The following ZNF750 variants were observed in gnomAD, a reference collection of about 807,000 sequenced individuals.
ZNF750 encodes the protein protein ZNF750.
A neutral mutation model predicts 31.6 loss-of-function variants in ZNF750; 10 were observed. The observed-to-expected ratio is 0.32, with a 90% CI of 0.19 to 0.54. The LOEUF is 0.54. Among genes scored for constraint, ZNF750 ranks in the 20% least tolerant of loss-of-function variants. ZNF750 has a pLI of 0.95. For missense variants in ZNF750, 914 were observed against 934.9 expected (o/e 0.98, Z 0.29); for synonymous variants, 400 against 404.9 (o/e 0.99, Z 0.15).
intron 1 of ZNF750, among the ~76,000 whole-genome samples, chr17:82,838,322 G>C (rs1031289411): frequency 7.1e-6 from 1 of 140,162 alleles, no homozygotes; most frequent in Non-Finnish European, 1.6e-5. Context: ...AAATAGACAA[G>C]AGAAAGAGTT....
chr17:82,831,482 C>T lies in ZNF750; in HGVS notation c.973G>A (p.Glu325Lys), dbSNP rs2053505833. 1.2e-6 allele frequency: 2 copies of T among 1,614,040 alleles called. No individual in the cohort carries two copies. The highest frequency in any genetic ancestry group is 1.7e-6 in the Non-Finnish European group (2 of 1,180,052). Residue 325 changes from glutamate to lysine, a missense_variant, in exon 2 of 3, where the codon GAG (glutamate) becomes AAG (lysine). This residue lies in a region of ZNF750 where 880 missense variants were observed against 868.9 expected (regional missense o/e 1.01). Coordinates refer to ENST00000269394, the MANE Select transcript of ZNF750 (RefSeq NM_024702.3). The surrounding 1 kb of genome is among the most constrained non-coding windows in gnomAD (Gnocchi z 4.6). ...LPIPYGFYRPESAFSSYGLRL... is the reference protein window; with the variant it reads ...LPIPYGFYRPKSAFSSYGLRL... ...AGACCATAGGAGGAAAATGCAGACT[C>T]TGGCCTGTAAAATCCGTAAGGAATC... is the stretch of plus-strand genomic sequence containing the variant.
In ZNF750 at chr17:82,832,514, G is replaced by A. The variant is rs528968086; in HGVS notation, c.-60C>T. On this transcript the variant is annotated 5_prime_UTR_variant, in exon 2 of 3. The change creates a new upstream start codon in the 5' untranslated region. Transcript: ENST00000269394. The surrounding 1 kb of genome is among the most constrained non-coding windows in gnomAD (Gnocchi z 4.9). The stretch of plus-strand genomic sequence containing the variant: ...GTGGCGTGATCACTGTCGACGCCGC[G>A]TGCACTTCGTGGTTTCTAAAGAGGC... 2.0e-4 allele frequency: 297 copies of A among 1,461,326 alleles called. 5 individuals carry two copies. In the South Asian group the frequency reaches 3.1e-3, roughly 15 times the overall value. The allele number at this position is 1,461,326 out of a possible 1,614,324, so 90.5% of individuals were successfully genotyped here.
intron 1 of ZNF750, among the ~76,000 whole-genome samples, chr17:82,836,242 C>G (rs942970942): frequency 1.2e-4 from 18 of 152,258 alleles, no homozygotes; most frequent in Admixed American, 7.2e-4. Context: ...GGCCAGCCAG[C>G]TCAGTCAGTG....
Position 82,833,929 on chromosome 17 carries a change from A to C in ZNF750, c.-182-1293T>G, listed in dbSNP as rs574229003. On this transcript the variant is annotated intron_variant, in intron 1 of 2. Transcript: ENST00000269394. The surrounding 1 kb of genome is among the most constrained non-coding windows in gnomAD (Gnocchi z 4.7). ...CCTTCAGAGGCTGTGCCGCACGCCC[A>C]AGGCTGAGAACAAAGGCTGTTTTTC... Among the ~76,000 whole-genome samples the C allele has an allele frequency of 5.3e-4, 80 of 151,130 alleles. No individual in the cohort carries two copies. Among genetic ancestry groups the C allele is most frequent in the African/African-American group, 1.8e-3 (75 of 41,294 alleles).
At chr17:82,838,978 C>T (rs2054224924) in intron 1 of ZNF750, 1 of 985,146 alleles carries the variant, frequency 1.0e-6, no homozygotes, top group African/African-American at 1.7e-5. Context: ...TTGTTCTCCT[C>T]CAAATCAAGT....
Position 82,833,884 on chromosome 17 carries a change from C to A in ZNF750, c.-182-1248G>T, listed in dbSNP as rs1025036574. On this transcript the variant is annotated intron_variant, in intron 1 of 2. Transcript: ENST00000269394. This position sits in a 1 kb window ranked among gnomAD's most constrained non-coding sequence, Gnocchi z 4.7. Reference sequence around the variant, plus strand: ...ATTCTTCCAGAGGGTCTCTGTGTCCCCCTTACCAGCCTCAGGTTTCCTTCA... The same window carrying A: ...ATTCTTCCAGAGGGTCTCTGTGTCCACCTTACCAGCCTCAGGTTTCCTTCA... Among the ~76,000 whole-genome samples the A allele has an allele frequency of 6.6e-6, 1 of 152,114 alleles. No homozygotes were observed. The highest frequency in any genetic ancestry group is 1.5e-5 in the Non-Finnish European group (1 of 68,036).
At chr17:82,834,783 T>C (rs575451190) in intron 1 of ZNF750, among the ~76,000 whole-genome samples, 1 of 152,228 alleles carries the variant, frequency 6.6e-6, no homozygotes. Context: ...GCTTAAAACC[T>C]AGATGATCGG....
chr17:82,830,446 G>A lies in ZNF750; in HGVS notation c.1868C>T (p.Ala623Val), dbSNP rs777328077. The change falls in exon 3 of 3, where the codon GCG (alanine) becomes GTG (valine). Residue 623 changes from alanine to valine, a missense_variant. Coordinates refer to ENST00000269394, the MANE Select transcript of ZNF750 (RefSeq NM_024702.3). Reference sequence around the variant, plus strand: ...CTTCTGCTCCTCGCTGCTGTCCACCGCGCATGCGTCTGGAGCCTCCTCGCC... The same window carrying A: ...CTTCTGCTCCTCGCTGCTGTCCACCACGCATGCGTCTGGAGCCTCCTCGCC... ...GPGEEAPDAC[A>V]VDSSEEQKQT... 11 of 1,612,002 alleles carry A rather than the reference G, an allele frequency of 6.8e-6. No individual in the cohort carries two copies. The highest frequency in any genetic ancestry group is 1.3e-5 in the African/African-American group (1 of 74,944).
chr17:82,830,861 C>G lies in ZNF750; in HGVS notation c.1453G>C (p.Gly485Arg), dbSNP rs762115687. The change falls in exon 3 of 3, where the codon GGA becomes CGA. Residue 485 changes from glycine to arginine, a missense_variant. Gly to Arg is a moderately radical substitution (Grantham distance 125). This residue lies in a region of ZNF750 where 880 missense variants were observed against 868.9 expected (regional missense o/e 1.01). Transcript: ENST00000269394. ...CTTCCGGTCGGAGCAGGAGGGTCTC[C>G]GTTCACAACATTGAGGCTAGAAGAA... ...ESPVSLNVVN[G>R]DPPAPTGSAS... 1.9e-6 allele frequency: 3 copies of G among 1,612,744 alleles called. No individual in the cohort carries two copies. The highest frequency in any genetic ancestry group is 1.3e-5 in the African/African-American group (1 of 74,982).
At chr17:82,836,609 A>G (rs975564249) in intron 1 of ZNF750, among the ~76,000 whole-genome samples, 2 of 151,912 alleles carry the variant, frequency 1.3e-5, no homozygotes, top group African/African-American at 4.8e-5. Context: ...AGAGGAGCAA[A>G]TGATTCCCTC....
intron 1 of ZNF750, among the ~76,000 whole-genome samples, chr17:82,834,694 A>G (rs1030269814): frequency 6.6e-4 from 100 of 151,326 alleles, no homozygotes; most frequent in African/African-American, 2.4e-3. Context: ...AGGGAGGGGA[A>G]CATCACACAC....
intron 1 of ZNF750, chr17:82,838,886 G>T (rs757929558): frequency 2.4e-5 from 24 of 985,246 alleles, no homozygotes; most frequent in Non-Finnish European, 2.9e-5. Flanking sequence ...CTGAAACTCC[G>T]GTCAGAAATG....
At chr17:82,836,298 G>A (rs1016198664) in intron 1 of ZNF750, among the ~76,000 whole-genome samples, 2 of 152,228 alleles carry the variant, frequency 1.3e-5, no homozygotes, top group Admixed American at 6.5e-5. Context: ...TTCTGAAGGC[G>A]TGAGAACCTC....
rs544252261 is a variant in ZNF750, at chr17:82,835,626, T to C, written c.-182-2990A>G. On this transcript the variant is annotated intron_variant, in intron 1 of 2. Coordinates refer to ENST00000269394, the MANE Select transcript of ZNF750 (RefSeq NM_024702.3). This position sits in a 1 kb window ranked among gnomAD's most constrained non-coding sequence, Gnocchi z 4.5. ...TTTTAGTAGAGATGGGGTTTCACTATGTTGGCCCGGCTGGTCTTGAACTCC... is the reference window on the plus strand; with the variant it reads ...TTTTAGTAGAGATGGGGTTTCACTACGTTGGCCCGGCTGGTCTTGAACTCC... Among the ~76,000 whole-genome samples the C allele has an allele frequency of 1.3e-5, 2 of 152,216 alleles. No homozygotes were observed. The highest frequency in any genetic ancestry group is 3.9e-4 in the East Asian group (2 of 5,174).
intron 1 of ZNF750, among the ~76,000 whole-genome samples, chr17:82,837,511 T>C (rs762058333): frequency 5.0e-4 from 76 of 152,214 alleles, no homozygotes; most frequent in Non-Finnish European, 9.3e-4. Flanking sequence ...GAGGTGTGTT[T>C]CCATTTTAGT....
In ZNF750 at chr17:82,830,425, T is replaced by G. The variant is rs1415335930; in HGVS notation, c.1889A>C (p.Gln630Pro). The stretch of plus-strand genomic sequence containing the variant: ...CAGGGCCACGGCTGCCGTCTGCTTC[T>G]GCTCCTCGCTGCTGTCCACCGCGCA... Reference protein sequence around the residue: ...DACAVDSSEEQKQTAAVALCQ... With the variant: ...DACAVDSSEEPKQTAAVALCQ... Residue 630 changes from glutamine to proline, a missense_variant, in exon 3 of 3, where the codon CAG becomes CCG. By Grantham distance (76) the Gln-to-Pro change is moderately conservative (BLOSUM62 -1). Transcript: ENST00000269394. 1 of 1,611,742 alleles carries G rather than the reference T, an allele frequency of 6.2e-7. No homozygotes were observed. Among genetic ancestry groups the G allele is most frequent in the Admixed American group, 1.7e-5 (1 of 60,012 alleles).
At chr17:82,838,181 G>C (rs2054146435) in intron 1 of ZNF750, among the ~76,000 whole-genome samples, 2 of 152,238 alleles carry the variant, frequency 1.3e-5, no homozygotes, top group Admixed American at 6.5e-5. Context: ...CCATGGGGTT[G>C]TGTCTAAATT....
Position 82,829,536 on chromosome 17 carries a change from G to C in ZNF750, c.*606C>G, listed in dbSNP as rs1037123920. 1 of 153,474 alleles carries C rather than the reference G, an allele frequency of 6.5e-6. No homozygotes were observed. Among genetic ancestry groups the C allele is most frequent in the African/African-American group, 2.4e-5 (1 of 41,454 alleles). 9.5% of individuals were successfully genotyped at this position (153,474 alleles called of 1,614,324 possible). A position where few individuals can be genotyped will look rare whatever the true frequency, so the allele number is the denominator to read the frequency against. ...AACATACACATCATTTTGGGGAATG[G>C]AAAGTGAGGCAGAGTAAGCCAGAAC... On this transcript the variant is annotated 3_prime_UTR_variant, in exon 3 of 3. Coordinates refer to ENST00000269394, the MANE Select transcript of ZNF750 (RefSeq NM_024702.3).
rs374920189 is a variant in ZNF750 at position 82,832,085 on chromosome 17, T to C, written c.370A>G (p.Arg124Gly). ...NLELQARGTHRCLGQKPALHR... is the reference protein window; with the variant it reads ...NLELQARGTHGCLGQKPALHR... The stretch of plus-strand genomic sequence containing the variant: ...AGGGCTGGCTTCTGTCCCAGGCACC[T>C]GTGGGTTCCCCGGGCTTGCAGCTCC... Residue 124 changes from arginine to glycine, a missense_variant, in exon 2 of 3, where the codon AGG (arginine) becomes GGG (glycine). Transcript: ENST00000269394. The surrounding 1 kb of genome is among the most constrained non-coding windows in gnomAD (Gnocchi z 4.9). 3 of 1,614,182 alleles carry C rather than the reference T, an allele frequency of 1.9e-6. No homozygotes were observed. Among genetic ancestry groups the C allele is most frequent in the Non-Finnish European group, 2.5e-6 (3 of 1,180,008 alleles).
Sources: allele counts gnomAD v4.1 joint callset (sites outside exome capture counted in the v4.1 genomes callset), GRCh38; gene constraint gnomAD v4.1.1; regional missense constraint gnomAD v4.1.1; non-coding constraint Gnocchi (gnomAD v3.1); transcripts MANE v1.5; gene names NCBI Gene and HGNC (gene_info 2026-07-23, HGNC 2026-07-21).